WDR41: variants seen among roughly 807,000 people sequenced by gnomAD.
The protein encoded by WDR41 is WD repeat-containing protein 41.
In WDR41, 63 loss-of-function variants were observed where a neutral mutation model predicts 69.3. The observed-to-expected ratio is 0.91, with a 90% confidence interval of 0.74 to 1.12. The LOEUF is 1.12. WDR41 is among the 50% of genes most tolerant of loss of function. WDR41 has a pLI of 0.00. For synonymous variants in WDR41, 185 were observed against 192.1 expected (o/e 0.96, Z 0.31); for missense variants, 543 against 534.5 (o/e 1.02, Z -0.16).
chr5:77,613,626 C>A (rs575567022), intron 1 of WDR41, among the ~76,000 whole-genome samples: 1,816 of 152,256 alleles, frequency 0.012, 34 homozygotes, highest in African/African-American at 0.042. Context: ...CTTCCTTACA[C>A]CTTATACAAA....
chr5:77,566,370 CTATT>C (rs539047045), intron 1 of WDR41, among the ~76,000 whole-genome samples: 198 of 152,234 alleles, frequency 1.3e-3, no homozygotes, highest in Middle Eastern at 6.8e-3. Flanking sequence ...CCCTGGGTCT[CTATT>C]TATATTGATA....
chr5:77,592,266 T>A (rs1467265935), intron 1 of WDR41, among the ~76,000 whole-genome samples: 2 of 152,210 alleles, frequency 1.3e-5, no homozygotes, highest in East Asian at 1.9e-4. Context: ...TAGATTTTTT[T>A]AAATTGAGTC....
At chr5:77,566,029 G>A (rs922227639) in intron 1 of WDR41, among the ~76,000 whole-genome samples, 1 of 151,982 alleles carries the variant, frequency 6.6e-6, no homozygotes. Flanking sequence ...AAAACTCCTT[G>A]TTTAGACAAG....
intron 1 of WDR41, among the ~76,000 whole-genome samples, chr5:77,573,080 A>C (rs1011239342): frequency 3.3e-5 from 5 of 152,256 alleles, no homozygotes; most frequent in Non-Finnish European, 7.4e-5. Flanking sequence ...CAGACATGTC[A>C]CTACCCTCAA....
chr5:77,461,432 G>A (rs1800052803), intron 4 of WDR41, among the ~76,000 whole-genome samples: 1 of 152,198 alleles, frequency 6.6e-6, no homozygotes, highest in South Asian at 2.1e-4. Flanking sequence ...GTTCAAGTCT[G>A]TATCTTGGTT....
At chr5:77,458,004 A>C (rs1246281040) in intron 5 of WDR41, among the ~76,000 whole-genome samples, 1 of 152,114 alleles carries the variant, frequency 6.6e-6, no homozygotes, top group African/African-American at 2.4e-5. Context: ...AAATACATTA[A>C]ATTTTTTTCT....
At chr5:77,540,566 G>A (rs560642173) in intron 1 of WDR41, 3 of 152,264 alleles carry the variant, frequency 2.0e-5, no homozygotes, top group African/African-American at 4.8e-5. Context: ...TTAGTCAGGT[G>A]TGGTGGCACA....
chr5:77,585,399 A>G (rs976990196), intron 1 of WDR41, among the ~76,000 whole-genome samples: 8 of 152,236 alleles, frequency 5.3e-5, no homozygotes, highest in African/African-American at 1.7e-4. Flanking sequence ...TACAGCTGCT[A>G]TGGAAAACAG....
intron 8 of WDR41, among the ~76,000 whole-genome samples, chr5:77,445,341 C>CA (rs1379133497): frequency 2.0e-5 from 3 of 152,144 alleles, no homozygotes; most frequent in African/African-American, 7.2e-5. Flanking sequence ...CTGAATTCTA[C>CA]CAGAGGTACA....
intron 2 of WDR41, among the ~76,000 whole-genome samples, chr5:77,472,853 A>G (rs1348301216): frequency 1.3e-5 from 2 of 152,080 alleles, no homozygotes; most frequent in East Asian, 3.9e-4. Context: ...GCCCAAGGTA[A>G]TTTATAGATT....
chr5:77,540,973 C>T (rs537432502), intron 1 of WDR41, among the ~76,000 whole-genome samples: 1 of 152,214 alleles, frequency 6.6e-6, no homozygotes, highest in African/African-American at 2.4e-5. Context: ...AGTACAAAAT[C>T]TGAGGCTACT....
At chr5:77,515,048 A>T (rs1461428356) in intron 1 of WDR41, among the ~76,000 whole-genome samples, 1 of 152,204 alleles carries the variant, frequency 6.6e-6, no homozygotes, top group Admixed American at 6.5e-5. Context: ...AGGTTACACT[A>T]AATTTATTTT....
At chr5:77,566,300 G>A (rs963158338) in intron 1 of WDR41, among the ~76,000 whole-genome samples, 2 of 152,096 alleles carry the variant, frequency 1.3e-5, no homozygotes, top group African/African-American at 4.8e-5. Flanking sequence ...TAATCTTTAT[G>A]TGTTTGTTTA....
intron 1 of WDR41, among the ~76,000 whole-genome samples, chr5:77,536,165 T>C (rs1041781856): frequency 1.3e-5 from 2 of 152,166 alleles, no homozygotes; most frequent in Admixed American, 6.5e-5. Context: ...AGGAGAATTA[T>C]ATTCAGAATT....
At chr5:77,505,830 C>A (rs1455730926) in intron 1 of WDR41, among the ~76,000 whole-genome samples, 2 of 152,190 alleles carry the variant, frequency 1.3e-5, no homozygotes, top group Admixed American at 1.3e-4. Flanking sequence ...AACTGGCTAG[C>A]CATATGTAGA....
intron 1 of WDR41, among the ~76,000 whole-genome samples, chr5:77,533,863 C>T (rs1561216830): frequency 6.6e-6 from 1 of 152,090 alleles, no homozygotes; most frequent in Non-Finnish European, 1.5e-5. Context: ...TATGTGATGC[C>T]TGTGCTTTTC....
At chr5:77,566,785 C>T (rs1034968335) in intron 1 of WDR41, among the ~76,000 whole-genome samples, 4 of 152,094 alleles carry the variant, frequency 2.6e-5, no homozygotes, top group African/African-American at 4.8e-5. Context: ...CCTGCTATGC[C>T]TCAGGGTGCG....
At chr5:77,553,780 A>G (rs967661366) in intron 1 of WDR41, among the ~76,000 whole-genome samples, 1 of 152,238 alleles carries the variant, frequency 6.6e-6, no homozygotes, top group African/African-American at 2.4e-5. Context: ...ATTTTAAAAA[A>G]TAACACCACC....
At chr5:77,606,794 C>A (rs1027173293) in intron 1 of WDR41, among the ~76,000 whole-genome samples, 2 of 151,146 alleles carry the variant, frequency 1.3e-5, no homozygotes, top group Non-Finnish European at 2.9e-5. Context: ...AAGAGTGAGA[C>A]CCTGTCACAA....
Sources: allele counts gnomAD v4.1 joint callset (sites outside exome capture counted in the v4.1 genomes callset), GRCh38; gene constraint gnomAD v4.1.1; transcripts MANE v1.5; gene names NCBI Gene and HGNC (gene_info 2026-07-23, HGNC 2026-07-21).